Variants in NFKB1 observed in about 807,000 individuals in gnomAD.
NFKB1 encodes nuclear factor kappa B subunit 1, also known as nuclear factor NF-kappa-B p105 subunit.
Under a neutral mutation model 105.1 loss-of-function variants are expected in NFKB1, and 9 were observed. The ratio of observed to expected loss-of-function variants is 0.09; its 90% CI spans 0.05 to 0.15. The LOEUF (loss-of-function observed/expected upper bound fraction) is 0.15. NFKB1 is among the 10% of genes least tolerant of loss of function. The pLI is 1.00. For missense variants in NFKB1, 830 were observed against 1,203.7 expected (o/e 0.69, Z 4.59); for synonymous variants, 440 against 442.2 (o/e 1.00, Z 0.06).
chr4:102,574,159 T>C (rs1724618733), intron 6 of NFKB1, among the ~76,000 whole-genome samples: 1 of 125,570 alleles, frequency 8.0e-6, no homozygotes, highest in African/African-American at 3.2e-5. Context: ...TGCTTTTAAA[T>C]ACGTTTGAGG....
intron 6 of NFKB1, among the ~76,000 whole-genome samples, chr4:102,573,405 C>G (rs1197425619): frequency 1.3e-5 from 2 of 152,168 alleles, no homozygotes; most frequent in Admixed American, 6.6e-5. Flanking sequence ...CAAGAAGTCA[C>G]CTGTCAATCT....
chr4:102,567,172 CAGAT>C, intron 6 of NFKB1, 37 bp downstream of exon 6: 1 of 1,601,536 alleles, frequency 6.2e-7, no homozygotes, highest in African/African-American at 1.3e-5. Context: ...AAGGTAGGAA[CAGAT>C]AGAATATGGG....
intron 14 of NFKB1, among the ~76,000 whole-genome samples, chr4:102,596,595 T>C (rs1447139649): frequency 6.6e-6 from 1 of 152,150 alleles, no homozygotes; most frequent in African/African-American, 2.4e-5. Flanking sequence ...TTTAGGGTAT[T>C]GTGAGAGATA....
intron 4 of NFKB1, among the ~76,000 whole-genome samples, chr4:102,534,996 G>T (rs1291373626): frequency 6.6e-6 from 1 of 152,178 alleles, no homozygotes. Context: ...AGTTTTTGCT[G>T]TGGGGGCAAG....
intron 17 of NFKB1, 63 bp downstream of exon 17, chr4:102,606,760 T>C: frequency 6.7e-7 from 1 of 1,499,460 alleles, no homozygotes; most frequent in Non-Finnish European, 9.1e-7. Context: ...TACTAGGTAT[T>C]TGATAAACGT....
intron 11 of NFKB1, among the ~76,000 whole-genome samples, chr4:102,587,742 C>G (rs964976748): frequency 9.9e-5 from 15 of 151,958 alleles, no homozygotes; most frequent in African/African-American, 3.6e-4. Context: ...AAAGAATGGA[C>G]AACATATATA....
intron 13 of NFKB1, among the ~76,000 whole-genome samples, chr4:102,595,860 T>G (rs1726567467): frequency 6.6e-6 from 1 of 152,242 alleles, no homozygotes; most frequent in Non-Finnish European, 1.5e-5. Context: ...CTGCAATTCA[T>G]AGAAGAGCTT....
intron 11 of NFKB1, among the ~76,000 whole-genome samples, chr4:102,586,010 G>A (rs1725682770): frequency 1.3e-5 from 2 of 152,188 alleles, no homozygotes; most frequent in African/African-American, 4.8e-5. Flanking sequence ...CATTAATTCT[G>A]GAGAGGGATA....
rs4648020 is a variant in NFKB1 at position 102,569,260 on chromosome 4, A to G, written c.407+2125A>G. Among the ~76,000 whole-genome samples, 530 of 152,240 alleles carry G rather than the reference A, an allele frequency of 3.5e-3. 4 individuals carry two copies. The highest frequency in any genetic ancestry group is 0.012 in the African/African-American group (518 of 41,560). Reference sequence around the variant, plus strand: ...TTTATTCCCAGTACTGTTGCTCTCAACAGAGGACTGGGGGCAAGTTACATG... The same window carrying G: ...TTTATTCCCAGTACTGTTGCTCTCAGCAGAGGACTGGGGGCAAGTTACATG... On this transcript the variant is annotated intron_variant, in intron 6 of 23. Coordinates refer to ENST00000226574, the MANE Select transcript of NFKB1 (RefSeq NM_003998.4).
intron 11 of NFKB1, among the ~76,000 whole-genome samples, chr4:102,587,488 G>C (rs1186290626): frequency 6.6e-6 from 1 of 151,840 alleles, no homozygotes; most frequent in African/African-American, 2.4e-5. Flanking sequence ...CCCTTTCCCA[G>C]TGGTATCTAT....
chr4:102,534,799 T>C (rs1741535918), intron 4 of NFKB1, among the ~76,000 whole-genome samples: 1 of 152,140 alleles, frequency 6.6e-6, no homozygotes, highest in South Asian at 2.1e-4. Context: ...CTCAGGTGAG[T>C]GAAACACTTT....
At chr4:102,586,927 C>T (rs1725755825) in intron 11 of NFKB1, among the ~76,000 whole-genome samples, 1 of 152,184 alleles carries the variant, frequency 6.6e-6, no homozygotes, top group Non-Finnish European at 1.5e-5. Context: ...TTCGTGCTGC[C>T]ACAGGAGTGT....
At chr4:102,551,278 G>A (rs902542930) in intron 5 of NFKB1, among the ~76,000 whole-genome samples, 1 of 152,180 alleles carries the variant, frequency 6.6e-6, no homozygotes, top group East Asian at 1.9e-4. Context: ...ACAGACATGT[G>A]TGAGAGAGTA....
chr4:102,565,361 AGTCT>A (rs1295424661), intron 5 of NFKB1, among the ~76,000 whole-genome samples: 4 of 152,078 alleles, frequency 2.6e-5, no homozygotes, highest in Non-Finnish European at 5.9e-5. Flanking sequence ...ACTGTAGGGG[AGTCT>A]GTCCTTTGTT....
intron 22 of NFKB1, 40 bp downstream of exon 22, chr4:102,612,646 C>T: frequency 6.4e-7 from 1 of 1,571,830 alleles, no homozygotes; most frequent in Non-Finnish European, 8.7e-7. Flanking sequence ...TTTCATTTGA[C>T]TTTACTCTGT....
At chr4:102,522,122 G>A (rs560555179) in intron 1 of NFKB1, among the ~76,000 whole-genome samples, 31 of 152,252 alleles carry the variant, frequency 2.0e-4, no homozygotes, top group African/African-American at 7.5e-4. Context: ...GGTAGAAGGG[G>A]TTTTCCCTGG....
At chr4:102,533,676 A>G (rs996778105) in intron 3 of NFKB1, among the ~76,000 whole-genome samples, 169 bp from the exon 4 acceptor site, 1 of 152,236 alleles carries the variant, frequency 6.6e-6, no homozygotes, top group African/African-American at 2.4e-5. Context: ...TTAATTTAAT[A>G]TTTCAGACAA....
At chr4:102,515,107 A>ATTTTTTTTTTT (rs34257045) in intron 1 of NFKB1, among the ~76,000 whole-genome samples, 3 of 95,642 alleles carry the variant, frequency 3.1e-5, no homozygotes, top group Admixed American at 2.7e-4. Context: ...TATTATTATT[A>ATTTTTTTTTTT]TTTTTTTTTT....
chr4:102,502,390 G>GCGCTCACACACA, intron 1 of NFKB1, among the ~76,000 whole-genome samples: 1 of 105,396 alleles, frequency 9.5e-6, no homozygotes, highest in African/African-American at 4.2e-5. Context: ...GCGCGCGCGC[G>GCGCTCACACACA]CACACACACA....
Sources: gnomAD v4.1 joint callset for allele counts (sites outside exome capture counted in the v4.1 genomes callset) on GRCh38, gnomAD v4.1.1 for gene constraint, MANE v1.5 for transcripts, NCBI Gene and HGNC (gene_info 2026-07-23, HGNC 2026-07-21) for gene names.